AGBL1: variants seen among roughly 807,000 people sequenced by gnomAD.
AGBL1 encodes the protein cytosolic carboxypeptidase 4.
AGBL1 carries 130 observed loss-of-function variants against 118.9 expected under a neutral mutation model. The observed-to-expected ratio is 1.09, with a 90% confidence interval of 0.95 to 1.26. The LOEUF (loss-of-function observed/expected upper bound fraction) is 1.26, where lower values mean the gene tolerates loss of function less well. Among genes scored for constraint, AGBL1 ranks in the 50% most tolerant of loss-of-function variants. The pLI is 0.00. For missense variants in AGBL1, 1,584 were observed against 1,298.1 expected, an observed-to-expected ratio of 1.22 and a Z score of -3.38; for synonymous variants, 555 against 478.9, an observed-to-expected ratio of 1.16 and a Z score of -2.08.
intron 22 of AGBL1, among the ~76,000 whole-genome samples, chr15:86,852,323 C>T (rs964754032): frequency 2.0e-5 from 3 of 152,134 alleles, no homozygotes; most frequent in Non-Finnish European, 1.5e-5. Context: ...AAACTGCTCC[C>T]ACGATCCAAA....
intron 18 of AGBL1, among the ~76,000 whole-genome samples, chr15:86,490,349 A>G (rs553401479): frequency 1.4e-4 from 22 of 152,028 alleles, no homozygotes; most frequent in Admixed American, 2.6e-4. Context: ...TTGTACCTGT[A>G]GGCATTTTAG....
At position 86,264,614 on chromosome 15, in the gene AGBL1, C is replaced by G. The variant is rs1328237375; in HGVS notation, c.1443C>G (p.Ser481=). The change falls in exon 11 of 23, where the codon TCC becomes TCG. Residue 481 remains serine, a synonymous_variant. Transcript: ENST00000614907. The part of the protein sequence containing the change: ...DAIFCPRMSA[S]FSNSTRTREV... ...TTTTCTGCCCAAGGATGAGTGCCTC[C>G]TTTTCTAATTCCACTAGGACTAGAG... is the stretch of plus-strand genomic sequence containing the variant. 1.2e-6 allele frequency: 2 copies of G among 1,613,758 alleles called. No individual in the cohort carries two copies. The highest frequency in any genetic ancestry group is 2.2e-5 in the South Asian group (2 of 91,040).
chr15:86,385,040 C>T (rs974011566), intron 17 of AGBL1, among the ~76,000 whole-genome samples: 2 of 152,108 alleles, frequency 1.3e-5, no homozygotes, highest in South Asian at 2.1e-4. Flanking sequence ...TCTTTCAATC[C>T]GGCAGCCACG....
At chr15:86,505,749 TAGAC>T (rs2082969054) in intron 18 of AGBL1, among the ~76,000 whole-genome samples, 1 of 152,026 alleles carries the variant, frequency 6.6e-6, no homozygotes, top group South Asian at 2.1e-4. Flanking sequence ...ATTTAAGTCT[TAGAC>T]AGTAAGTTCA....
At chr15:86,310,717 G>A (rs543368222) in intron 17 of AGBL1, among the ~76,000 whole-genome samples, 1 of 152,288 alleles carries the variant, frequency 6.6e-6, no homozygotes, top group Non-Finnish European at 1.5e-5. Flanking sequence ...GGCCAGCCTA[G>A]AGCCTGGGGC....
chr15:86,795,278 G>T (rs74517834), intron 22 of AGBL1, among the ~76,000 whole-genome samples: 1 of 152,058 alleles, frequency 6.6e-6, no homozygotes, highest in Admixed American at 6.5e-5. Context: ...TTGCCTGGAC[G>T]GAGGCTGATT....
intron 22 of AGBL1, among the ~76,000 whole-genome samples, chr15:86,865,333 C>A (rs568742749): frequency 1.3e-5 from 2 of 152,306 alleles, no homozygotes; most frequent in Non-Finnish European, 2.9e-5. Context: ...GTGAAAACTG[C>A]AACCATTTTG....
chr15:86,755,972 G>A (rs1310774042), intron 22 of AGBL1, among the ~76,000 whole-genome samples: 1 of 152,074 alleles, frequency 6.6e-6, no homozygotes, highest in Admixed American at 6.6e-5. Flanking sequence ...AAAAAAGATG[G>A]CTAGAGGCTG....
intron 13 of AGBL1, among the ~76,000 whole-genome samples, chr15:86,268,596 T>C (rs2079108942): frequency 6.6e-6 from 1 of 152,172 alleles, no homozygotes; most frequent in African/African-American, 2.4e-5. Context: ...ACAAACCTAC[T>C]TATGGGTAAG....
Position 86,279,656 on chromosome 15 carries a change from G to C in AGBL1, c.2093G>C (p.Ser698Thr), listed in dbSNP as rs1428988657. The C allele has an allele frequency of 2.5e-6, 4 of 1,613,388 alleles. No homozygotes were observed. Among genetic ancestry groups the C allele is most frequent in the Non-Finnish European group, 2.5e-6 (3 of 1,179,478 alleles). ...CTCTTTAGAAATCATTATCGCCAGA[G>C]TACAGCTGTTGCAGGCGGAGCATCT... Reference protein sequence around the residue: ...ICYYKNHYRQSTAVAGGASGK... With the variant: ...ICYYKNHYRQTTAVAGGASGK... Residue 698 changes from serine (S) to threonine (T), a missense_variant, in exon 16 of 23, where the codon AGT becomes ACT. By Grantham distance (58) the Ser-to-Thr change is moderately conservative. Transcript: ENST00000614907.
At chr15:86,246,330 C>T (rs2078720914) in intron 6 of AGBL1, among the ~76,000 whole-genome samples, 1 of 152,154 alleles carries the variant, frequency 6.6e-6, no homozygotes, top group African/African-American at 2.4e-5. Flanking sequence ...GTTACAGAGC[C>T]AGGAGAATAA....
intron 22 of AGBL1, among the ~76,000 whole-genome samples, chr15:86,687,298 A>G (rs963061039): frequency 1.3e-5 from 2 of 152,106 alleles, no homozygotes; most frequent in African/African-American, 4.8e-5. Context: ...CGGCTGGAGA[A>G]CTTCTGAAGT....
chr15:86,266,900 A>G, intron 12 of AGBL1, 90 bp from the exon 13 acceptor site: 1 of 1,162,174 alleles, frequency 8.6e-7, no homozygotes, highest in Non-Finnish European at 1.2e-6. Context: ...ATTCTGTCTC[A>G]AAAAAATAAT....
chr15:86,668,588 C>T (rs764169399), intron 21 of AGBL1, among the ~76,000 whole-genome samples: 4 of 152,112 alleles, frequency 2.6e-5, no homozygotes, highest in Non-Finnish European at 4.4e-5. Flanking sequence ...TGTCTTTCCT[C>T]TGTGCATGTT....
chr15:86,647,927 G>C (rs2085311482), intron 21 of AGBL1, among the ~76,000 whole-genome samples: 1 of 152,164 alleles, frequency 6.6e-6, no homozygotes. Context: ...GAACCTTCCA[G>C]AGGGAGGAAG....
chr15:86,224,768 G>A (rs1223504889), intron 5 of AGBL1, 146 bp from the exon 6 acceptor site: 1 of 745,808 alleles, frequency 1.3e-6, no homozygotes, highest in African/African-American at 1.7e-5. Flanking sequence ...CTCTTTAATG[G>A]TCAGCGGGGC....
intron 24 of AGBL1, among the ~76,000 whole-genome samples, chr15:86,997,935 A>T (rs993924005): frequency 2.4e-5 from 3 of 122,700 alleles, no homozygotes; most frequent in Middle Eastern, 4.3e-3. Flanking sequence ...ACACACACAC[A>T]CTTTGCCTAT....
chr15:86,875,456 T>A lies in AGBL1; in HGVS notation c.3159-31631T>A, dbSNP rs573254388. Among the ~76,000 whole-genome samples, 7 of 152,338 alleles carry A rather than the reference T, an allele frequency of 4.6e-5. No homozygotes were observed. In the East Asian group the frequency reaches 9.7e-4, roughly 21 times the overall value. ...GAAGATTCCATAGAAGAGGAACAGATGAGTGAGCGGTTGGGATCAGCGTTG... is the reference window on the plus strand; with the variant it reads ...GAAGATTCCATAGAAGAGGAACAGAAGAGTGAGCGGTTGGGATCAGCGTTG... On this transcript the variant is annotated intron_variant, in intron 22 of 22. Coordinates refer to ENST00000614907, the MANE Select transcript of AGBL1 (RefSeq NM_001386094.1).
chr15:86,661,759 A>T (rs2085544745), intron 21 of AGBL1, among the ~76,000 whole-genome samples: 1 of 152,106 alleles, frequency 6.6e-6, no homozygotes, highest in African/African-American at 2.4e-5. Flanking sequence ...AAGCACGGTG[A>T]CCATGCTAAG....
Sources: gnomAD v4.1 joint callset for allele counts (sites outside exome capture counted in the v4.1 genomes callset) on GRCh38, gnomAD v4.1.1 for gene constraint, MANE v1.5 for transcripts, NCBI Gene and HGNC (gene_info 2026-07-23, HGNC 2026-07-21) for gene names.